The following KLHL10 variants were observed in gnomAD, a reference collection of about 807,000 sequenced individuals.
KLHL10 encodes kelch like family member 10, also known as kelch-like protein 10.
KLHL10 carries 11 observed loss-of-function variants against 46.6 expected under a neutral mutation model. The ratio of observed to expected loss-of-function variants is 0.24; its 90% CI spans 0.15 to 0.39. KLHL10 has a LOEUF of 0.39. KLHL10 is among the 10% of genes least tolerant of loss of function. The pLI, the probability that KLHL10 is intolerant of heterozygous loss-of-function variation, is 1.00. For missense variants in KLHL10, 475 were observed against 789.8 expected, an observed-to-expected ratio of 0.60 and a Z score of 4.78; for synonymous variants, 254 against 279.1, an observed-to-expected ratio of 0.91 and a Z score of 0.90.
In KLHL10 at chr17:41,845,390, A is replaced by G. The variant is rs149895408; in HGVS notation, c.949A>G (p.Arg317Gly). Residue 317 changes from arginine (R) to glycine (G), a missense_variant, in exon 3 of 5, where the codon AGA becomes GGA. Physicochemically the swap from Arg to Gly is moderately radical, Grantham distance 125. Transcript: ENST00000293303. ...AIEAYDARAD[R>G]WVNVTCEEES... ...TGAGGCATATGACGCTCGGGCAGAC[A>G]GATGGGTGAATGTTACTTGTGAGGA... 1.1e-4 allele frequency: 178 copies of G among 1,614,240 alleles called. No homozygotes were observed. The African/African-American group carries it at 2.0e-3, about 18-fold the overall frequency.
upstream of KLHL10, chr17:41,836,303 G>A: frequency 1.6e-6 from 2 of 1,231,062 alleles, no homozygotes; most frequent in Non-Finnish European, 2.0e-6. Context: ...GGGGCCGGGG[G>A]CGGGGCGGGG....
rs201118830 is a variant in KLHL10 at position 41,847,427 on chromosome 17, C to CCA, written c.1452+28_1452+29dup. On this transcript the variant is annotated intron_variant, in intron 4 of 4. Coordinates refer to ENST00000293303, the MANE Select transcript of KLHL10 (RefSeq NM_152467.5). ...GTATATGCGGTAAGTTTATCTAGTACCACACACACACAAAAAACACATTAC... is the reference window on the plus strand; with the variant it reads ...GTATATGCGGTAAGTTTATCTAGTACCACACACACACACAAAAAACACATTAC... 5 of 1,612,768 alleles carry CCA rather than the reference C, an allele frequency of 3.1e-6. No individual in the cohort carries two copies. In the South Asian group the frequency reaches 4.4e-5, roughly 14 times the overall value.
chr17:41,836,029 G>A (rs1486154207), upstream of KLHL10: 5 of 1,447,086 alleles, frequency 3.5e-6, no homozygotes, highest in African/African-American at 4.5e-5. Context: ...GGGCTCGCTC[G>A]GGCGCGCGTG....
At chr17:41,838,188 TC>T (rs1158955693) in intron 1 of KLHL10, 62 bp downstream of exon 1, 29 of 1,372,082 alleles carry the variant, frequency 2.1e-5, no homozygotes, top group Non-Finnish European at 3.0e-5. Context: ...GACACTTTGA[TC>T]CATTTTCTGT....
At chr17:41,841,375 C>T (rs1255348650) in intron 1 of KLHL10, among the ~76,000 whole-genome samples, 2 of 152,040 alleles carry the variant, frequency 1.3e-5, no homozygotes, top group African/African-American at 4.8e-5. Flanking sequence ...AGTGTAGTGT[C>T]ATGATCTTGG....
At chr17:41,843,397 C>T (rs1567868884) in intron 2 of KLHL10, among the ~76,000 whole-genome samples, 1 of 151,622 alleles carries the variant, frequency 6.6e-6, no homozygotes, top group East Asian at 2.0e-4. Context: ...CCCAGCTACT[C>T]GGGAATCTGA....
chr17:41,838,934 C>T (rs1310246982), intron 1 of KLHL10, among the ~76,000 whole-genome samples: 1 of 151,948 alleles, frequency 6.6e-6, no homozygotes, highest in Non-Finnish European at 1.5e-5. Flanking sequence ...GGTGATCTGC[C>T]CGTCTTGACC....
Position 41,845,759 on chromosome 17 carries a change from G to A in KLHL10, c.1302+16G>A. The A allele has an allele frequency of 6.2e-7, 1 of 1,613,914 alleles. No homozygotes were observed. ...TTATGGGAAGGTAAAGGACCAGGGT[G>A]GGAGGGGAAGATGTGGATGCAAAGT... On this transcript the variant is annotated intron_variant, in intron 3 of 4. Transcript: ENST00000293303.
chr17:41,835,864 A>G, upstream of KLHL10: 1 of 1,608,052 alleles, frequency 6.2e-7, no homozygotes. Context: ...GGTACCTGTA[A>G]CCGGTCTCCG....
intron 1 of KLHL10, among the ~76,000 whole-genome samples, chr17:41,839,831 G>C (rs2048208281): frequency 6.6e-6 from 1 of 151,950 alleles, no homozygotes; most frequent in African/African-American, 2.4e-5. Flanking sequence ...TCCTGCCTCA[G>C]CCTCCCGAAT....
In KLHL10 at chr17:41,838,246, G is replaced by C. The variant is rs1351947881; in HGVS notation, c.194+120G>C. The stretch of plus-strand genomic sequence containing the variant: ...TTTAGGGACACTGTCAAAGCTCTGG[G>C]CTCCTTAAAAATTAAAAAAAAATTT... On this transcript the variant is annotated intron_variant, in intron 1 of 4. Transcript: ENST00000293303. The C allele has an allele frequency of 3.3e-6, 3 of 909,686 alleles. No homozygotes were observed. In the African/African-American group the frequency reaches 5.1e-5, roughly 15 times the overall value. The allele number at this position is 909,686 out of a possible 1,614,324, so 56.4% of individuals were successfully genotyped here.
At chr17:41,847,811 C>A in intron 4 of KLHL10, 122 bp from the exon 5 acceptor site, 1 of 1,410,294 alleles carries the variant, frequency 7.1e-7, no homozygotes, top group Non-Finnish European at 1.0e-6. Context: ...GGCTGAAAAG[C>A]TTTTTTTCAT....
At position 41,837,931 on chromosome 17, in the gene KLHL10, C is replaced by T; in HGVS notation, c.-2C>T. On this transcript the variant is annotated 5_prime_UTR_variant, in exon 1 of 5. Coordinates refer to ENST00000293303, the MANE Select transcript of KLHL10 (RefSeq NM_152467.5). ...AGCCTCTCTCCGCTGTCCCAGGGTG[C>T]CATGGAGATGGAGAGCGCGGCGGCC... is the stretch of plus-strand genomic sequence containing the variant. 1 of 1,613,598 alleles carries T rather than the reference C, an allele frequency of 6.2e-7. No individual in the cohort carries two copies. Among genetic ancestry groups the T allele is most frequent in the Non-Finnish European group, 8.5e-7 (1 of 1,179,992 alleles).
chr17:41,843,455 A>G (rs1414586068), intron 2 of KLHL10, among the ~76,000 whole-genome samples: 1 of 151,888 alleles, frequency 6.6e-6, no homozygotes, highest in Non-Finnish European at 1.5e-5. Context: ...CAGTGAGCCC[A>G]GATCGCACCA....
At chr17:41,842,513 T>TG (rs2048236459) in intron 2 of KLHL10, among the ~76,000 whole-genome samples, 1 of 152,204 alleles carries the variant, frequency 6.6e-6, no homozygotes, top group African/African-American at 2.4e-5. Context: ...AAATCCTTCC[T>TG]GGTGGTGGGG....
intron 3 of KLHL10, among the ~76,000 whole-genome samples, chr17:41,846,538 A>G (rs2048288280): frequency 2.0e-5 from 3 of 147,446 alleles, no homozygotes; most frequent in African/African-American, 7.4e-5. Context: ...TCCGTCTCCA[A>G]AAAAAAAAAA....
rs781832644 is a variant in KLHL10, at chr17:41,845,589, T to A, written c.1148T>A (p.Val383Asp). The A allele has an allele frequency of 6.2e-7, 1 of 1,614,170 alleles. No homozygotes were observed. The highest frequency in any genetic ancestry group is 2.2e-5 in the East Asian group (1 of 44,890). Reference protein sequence around the residue: ...HSRRCYVSVTVLGNFIYAMGG... With the variant: ...HSRRCYVSVTDLGNFIYAMGG... ...AGACGTTGCTATGTCAGTGTGACAG[T>A]CCTCGGCAATTTTATTTATGCCATG... Residue 383 changes from valine (V) to aspartate (D), a missense_variant, in exon 3 of 5, where the codon GTC (valine) becomes GAC (aspartate). Val to Asp is a radical substitution (Grantham distance 152). Transcript: ENST00000293303.
chr17:41,837,753 C>T (rs996969395), upstream of KLHL10: 3 of 1,413,440 alleles, frequency 2.1e-6, no homozygotes, highest in Middle Eastern at 5.2e-4. Context: ...AGTTCCAGAA[C>T]CTGAGAGCAC....
Position 41,842,153 on chromosome 17 carries a change from G to C in KLHL10, c.525G>C (p.Ser175=), listed in dbSNP as rs929428278. The change falls in exon 2 of 5, where the codon TCG becomes TCC. Residue 175 remains serine, a synonymous_variant. Transcript: ENST00000293303. ...ACTTTGAGGAGATGGTGAAAGTCTC[G>C]GCAGAATTTTTAGAGCTCTCGGTCA... is the stretch of plus-strand genomic sequence containing the variant. ...LHNFEEMVKV[S]AEFLELSVTE... 1.9e-6 allele frequency: 3 copies of C among 1,614,084 alleles called. No homozygotes were observed. Among genetic ancestry groups the C allele is most frequent in the Non-Finnish European group, 2.5e-6 (3 of 1,180,030 alleles).
Sources: gnomAD v4.1 joint callset for allele counts (sites outside exome capture counted in the v4.1 genomes callset) on GRCh38, gnomAD v4.1.1 for gene constraint, MANE v1.5 for transcripts, NCBI Gene and HGNC (gene_info 2026-07-23, HGNC 2026-07-21) for gene names.